Variants in DPH6 observed in about 807,000 individuals in gnomAD.
DPH6 encodes the protein diphthine--ammonia ligase.
Under a neutral mutation model 38.2 loss-of-function variants are expected in DPH6, and 33 were observed. The observed-to-expected ratio is 0.86, with a 90% CI of 0.65 to 1.15. DPH6 has a LOEUF of 1.15. Ranked by LOEUF, DPH6 falls within the 50% of genes most tolerant of loss-of-function variation. The pLI, the probability that DPH6 is intolerant of heterozygous loss-of-function variation, is 0.00. For synonymous variants in DPH6, 108 were observed against 103.0 expected (o/e 1.05, Z -0.30); for missense variants, 325 against 320.0 (o/e 1.02, Z -0.12).
chr15:35,516,470 T>C (rs1382465997), intron 3 of DPH6, among the ~76,000 whole-genome samples: 1 of 152,162 alleles, frequency 6.6e-6, no homozygotes, highest in Non-Finnish European at 1.5e-5. Flanking sequence ...ACTTTACAAA[T>C]ATGAAAGCCA....
At chr15:35,233,216 G>C (rs1459188884) in intron 3 of DPH6, among the ~76,000 whole-genome samples, 2 of 152,170 alleles carry the variant, frequency 1.3e-5, no homozygotes, top group East Asian at 3.9e-4. Flanking sequence ...ATCTGAGGCA[G>C]TAGAATCACT....
At chr15:35,320,098 C>A (rs768670687) in intron 3 of DPH6, among the ~76,000 whole-genome samples, 3 of 151,846 alleles carry the variant, frequency 2.0e-5, no homozygotes, top group Non-Finnish European at 2.9e-5. Flanking sequence ...TAAAAAATCA[C>A]GAATCATTTC....
At chr15:35,525,424 AG>A (rs2054984950) in intron 3 of DPH6, among the ~76,000 whole-genome samples, 1 of 152,264 alleles carries the variant, frequency 6.6e-6, no homozygotes, top group South Asian at 2.1e-4. Flanking sequence ...GTCTGCTCTC[AG>A]GATCTACCTC....
At chr15:35,501,314 G>A (rs543770006) in intron 3 of DPH6, among the ~76,000 whole-genome samples, 1 of 152,188 alleles carries the variant, frequency 6.6e-6, no homozygotes, top group East Asian at 1.9e-4. Flanking sequence ...GCAAAGTGAT[G>A]CTCATGAATA....
intron 3 of DPH6, among the ~76,000 whole-genome samples, chr15:35,531,026 T>A (rs2055079555): frequency 6.6e-6 from 1 of 152,128 alleles, no homozygotes; most frequent in African/African-American, 2.4e-5. Flanking sequence ...CCAGGAGCAA[T>A]TTGTACAGGG....
At chr15:35,408,571 T>C (rs2053325054) in intron 6 of DPH6, among the ~76,000 whole-genome samples, 1 of 151,978 alleles carries the variant, frequency 6.6e-6, no homozygotes. Flanking sequence ...CAACTGAGAT[T>C]ACCTAGAGAA....
At chr15:35,460,759 A>T (rs901655295) in intron 3 of DPH6, among the ~76,000 whole-genome samples, 1 of 152,206 alleles carries the variant, frequency 6.6e-6, no homozygotes, top group Non-Finnish European at 1.5e-5. Context: ...GTTGCTTAGA[A>T]TACTTTTCTT....
At chr15:35,441,434 G>C (rs1339132910) in intron 5 of DPH6, among the ~76,000 whole-genome samples, 2 of 152,186 alleles carry the variant, frequency 1.3e-5, no homozygotes, top group East Asian at 3.9e-4. Flanking sequence ...AGATAGACTG[G>C]ATAAAGAAAA....
chr15:35,508,337 C>G (rs2054723449), intron 3 of DPH6, among the ~76,000 whole-genome samples: 1 of 152,080 alleles, frequency 6.6e-6, no homozygotes, highest in Non-Finnish European at 1.5e-5. Context: ...GCATAATAAA[C>G]ATATCTATGC....
chr15:35,398,119 A>C (rs554866609), intron 6 of DPH6, among the ~76,000 whole-genome samples: 4 of 152,152 alleles, frequency 2.6e-5, no homozygotes, highest in Non-Finnish European at 5.9e-5. Context: ...GGTTCCCAAG[A>C]TGGAGCTCCC....
At chr15:35,426,368 A>C (rs2141023373) in intron 5 of DPH6, among the ~76,000 whole-genome samples, 1 of 151,984 alleles carries the variant, frequency 6.6e-6, no homozygotes, top group African/African-American at 2.4e-5. Context: ...AGAATATAAA[A>C]GAATAATACA....
chr15:35,503,760 T>C (rs538947182), intron 3 of DPH6, among the ~76,000 whole-genome samples: 1 of 152,246 alleles, frequency 6.6e-6, no homozygotes, highest in East Asian at 1.9e-4. Flanking sequence ...AATTGACTCA[T>C]TCAATCTCAC....
chr15:35,451,273 TAGTA>T (rs1282401630), intron 4 of DPH6, among the ~76,000 whole-genome samples: 1 of 151,940 alleles, frequency 6.6e-6, no homozygotes, highest in Admixed American at 6.6e-5. Context: ...AAAAAGAAAA[TAGTA>T]AGAAAAAAAG....
chr15:35,210,449 T>A, the DPH6 span, among the ~76,000 whole-genome samples: 1 of 152,200 alleles, frequency 6.6e-6, no homozygotes, highest in Non-Finnish European at 1.5e-5. Flanking sequence ...CGAAGTTGAC[T>A]GAGTTTACTC....
Position 35,540,290 on chromosome 15 carries a change from C to T in DPH6, c.119-1823G>A, listed in dbSNP as rs185058508. ...ACTCAATTAACATGCCACAAAAGTTCCTACTACAAATCTAAAGAGATGGTT... is the reference window on the plus strand; with the variant it reads ...ACTCAATTAACATGCCACAAAAGTTTCTACTACAAATCTAAAGAGATGGTT... On this transcript the variant is annotated intron_variant, in intron 2 of 8. Transcript: ENST00000256538. Among the ~76,000 whole-genome samples, 325 of 152,176 alleles carry T rather than the reference C, an allele frequency of 2.1e-3. 2 individuals carry two copies. The highest frequency in any genetic ancestry group is 7.6e-3 in the African/African-American group (315 of 41,536).
chr15:35,365,661 G>A (rs2052652063), intron 3 of DPH6, among the ~76,000 whole-genome samples: 1 of 151,934 alleles, frequency 6.6e-6, no homozygotes, highest in South Asian at 2.1e-4. Flanking sequence ...ATAGATTTAG[G>A]CTTCAAAAAC....
chr15:35,253,036 C>T (rs2140410935), intron 3 of DPH6, among the ~76,000 whole-genome samples: 1 of 152,338 alleles, frequency 6.6e-6, no homozygotes, highest in East Asian at 1.9e-4. Flanking sequence ...TGACGTCTCA[C>T]TATTTGCCTC....
intron 3 of DPH6, among the ~76,000 whole-genome samples, chr15:35,261,766 G>A (rs61463245): frequency 2.6e-5 from 4 of 151,522 alleles, no homozygotes; most frequent in South Asian, 2.1e-4. Context: ...CCAGGAGGTC[G>A]AGGCTTCAGT....
At chr15:35,148,954 C>T in the DPH6 span, among the ~76,000 whole-genome samples, 2 of 152,110 alleles carry the variant, frequency 1.3e-5, no homozygotes, top group African/African-American at 2.4e-5. Flanking sequence ...GAATGTTTTG[C>T]TGAATGTCCC....
Sources: gnomAD v4.1 joint callset for allele counts (sites outside exome capture counted in the v4.1 genomes callset) on GRCh38, gnomAD v4.1.1 for gene constraint, MANE v1.5 for transcripts, NCBI Gene and HGNC (gene_info 2026-07-23, HGNC 2026-07-21) for gene names.